The following ZMYM2 variants were observed in gnomAD, a reference collection of about 807,000 sequenced individuals.
ZMYM2 encodes zinc finger MYM-type containing 2.
ZMYM2 carries 56 observed loss-of-function variants against 162.8 expected under a neutral mutation model. The ratio of observed to expected loss-of-function variants is 0.34; its 90% confidence interval spans 0.28 to 0.43. The LOEUF (loss-of-function observed/expected upper bound fraction) is 0.43, where lower values mean the gene tolerates loss of function less well. Among genes scored for constraint, ZMYM2 ranks in the 20% least tolerant of loss-of-function variants. ZMYM2 has a pLI of 1.00. For synonymous variants in ZMYM2, 510 were observed against 541.6 expected, an observed-to-expected ratio of 0.94 and a Z score of 0.81; for missense variants, 1,275 against 1,621.8, an observed-to-expected ratio of 0.79 and a Z score of 3.67.
At chr13:19,906,512 T>C in the ZMYM2 span, among the ~76,000 whole-genome samples, 1 of 143,772 alleles carries the variant, frequency 7.0e-6, no homozygotes, top group African/African-American at 2.6e-5. Flanking sequence ...ATTTGTTTTC[T>C]ATATATCACA....
intron 21 of ZMYM2, among the ~76,000 whole-genome samples, chr13:20,079,637 C>T (rs1471887996): frequency 6.6e-6 from 1 of 152,056 alleles, no homozygotes; most frequent in Non-Finnish European, 1.5e-5. Context: ...TCCCATACTA[C>T]CACAATAAGT....
chr13:19,963,645 A>C (rs1594036836), intron 2 of ZMYM2, among the ~76,000 whole-genome samples: 2 of 152,172 alleles, frequency 1.3e-5, no homozygotes, highest in African/African-American at 4.8e-5. Flanking sequence ...TCATCACCAA[A>C]TGCTTGGCAA....
chr13:19,949,802 G>A, the ZMYM2 span, among the ~76,000 whole-genome samples: 5 of 146,266 alleles, frequency 3.4e-5, no homozygotes, highest in African/African-American at 1.3e-4. Flanking sequence ...CAGAAGACTC[G>A]CTTGAACCTG....
chr13:19,864,833 G>T, the ZMYM2 span: 25 of 151,074 alleles, frequency 1.7e-4, no homozygotes, highest in African/African-American at 5.8e-4. Context: ...CTCCACGAGG[G>T]GTCTTCTCTT....
chr13:19,903,933 T>G, the ZMYM2 span, among the ~76,000 whole-genome samples: 1 of 152,140 alleles, frequency 6.6e-6, no homozygotes, highest in Admixed American at 6.6e-5. Context: ...TTGAACTTTC[T>G]GGGCTCTAGG....
chr13:19,971,516 C>T (rs541888833), intron 2 of ZMYM2, among the ~76,000 whole-genome samples: 39 of 151,628 alleles, frequency 2.6e-4, no homozygotes, highest in African/African-American at 8.7e-4. Flanking sequence ...GTGATCCACC[C>T]GCCTCAGCCT....
chr13:19,964,324 C>T (rs1327754561), intron 2 of ZMYM2, among the ~76,000 whole-genome samples: 3 of 151,728 alleles, frequency 2.0e-5, no homozygotes, highest in Non-Finnish European at 4.4e-5. Context: ...TGCAGTTAGC[C>T]AAGATTGCAC....
At chr13:20,006,686 A>G in intron 6 of ZMYM2, 100 bp downstream of exon 6, 1 of 1,191,426 alleles carries the variant, frequency 8.4e-7, no homozygotes, top group South Asian at 1.5e-5. Context: ...GCTTTATCTT[A>G]GAATTTCATT....
In ZMYM2 at chr13:19,993,760, A is replaced by G. The variant is rs765899318; in HGVS notation, c.688A>G (p.Asn230Asp). Residue 230 changes from asparagine to aspartate, a missense_variant, in exon 3 of 25, where the codon AAC becomes GAC. This residue lies in a region of ZMYM2 where 295 missense variants were observed against 286.7 expected (regional missense o/e 1.03). Coordinates refer to ENST00000610343, the MANE Select transcript of ZMYM2 (RefSeq NM_197968.4). ...LQNTNLGDVSNGLQSSNFGVN... is the reference protein window; with the variant it reads ...LQNTNLGDVSDGLQSSNFGVN... ...GAATACCAACTTGGGAGATGTCTCT[A>G]ACGGACTGCAGTCAAGTAATTTTGG... is the stretch of plus-strand genomic sequence containing the variant. 2 of 1,614,154 alleles carry G rather than the reference A, an allele frequency of 1.2e-6. No homozygotes were observed. Among genetic ancestry groups the G allele is most frequent in the African/African-American group, 1.3e-5 (1 of 75,066 alleles).
rs1467612384 is a variant in ZMYM2, at chr13:20,088,371, G to C, written c.*2357G>C. On this transcript the variant is annotated 3_prime_UTR_variant, in exon 25 of 25. Coordinates refer to ENST00000610343, the MANE Select transcript of ZMYM2 (RefSeq NM_197968.4). ...TGATAGCAATTTCCTTTTGCTTCTA[G>C]GTGATCTCTGATTATAGATAGCATC... is the stretch of plus-strand genomic sequence containing the variant. The C allele has an allele frequency of 4.9e-6, 1 of 203,900 alleles. No homozygotes were observed. Among genetic ancestry groups the C allele is most frequent in the African/African-American group, 2.3e-5 (1 of 43,710 alleles). 12.6% of individuals were successfully genotyped at this position (203,900 alleles called of 1,614,324 possible). A position where few individuals can be genotyped will look rare whatever the true frequency, so the allele number is the denominator to read the frequency against.
intron 21 of ZMYM2, among the ~76,000 whole-genome samples, chr13:20,069,366 T>C (rs1318493092): frequency 1.3e-5 from 2 of 152,078 alleles, no homozygotes; most frequent in Admixed American, 6.5e-5. Flanking sequence ...TAGTTCCTGA[T>C]CTTAGAGGAA....
the ZMYM2 span, among the ~76,000 whole-genome samples, chr13:19,952,120 G>T: frequency 1.3e-5 from 2 of 152,032 alleles, no homozygotes; most frequent in African/African-American, 2.4e-5. Context: ...TATGTTAAAT[G>T]AAATAAGCCA....
chr13:19,938,767 C>G, the ZMYM2 span, among the ~76,000 whole-genome samples: 5 of 151,260 alleles, frequency 3.3e-5, no homozygotes, highest in Non-Finnish European at 7.4e-5. Flanking sequence ...CCTGAGTCAG[C>G]TTAATACAGG....
At chr13:20,039,421 A>ATTATTT (rs1954024246) in intron 12 of ZMYM2, among the ~76,000 whole-genome samples, 1 of 150,372 alleles carries the variant, frequency 6.7e-6, no homozygotes, top group Non-Finnish European at 1.5e-5. Flanking sequence ...TTTGTCATAG[A>ATTATTT]TGACTCTTTA....
At chr13:20,013,016 A>C (rs1349012091) in intron 6 of ZMYM2, among the ~76,000 whole-genome samples, 1 of 152,196 alleles carries the variant, frequency 6.6e-6, no homozygotes, top group East Asian at 1.9e-4. Flanking sequence ...TTTTATATAA[A>C]TTGCATTGAA....
At chr13:19,880,108 T>C in the ZMYM2 span, among the ~76,000 whole-genome samples, 1 of 152,154 alleles carries the variant, frequency 6.6e-6, no homozygotes, top group Non-Finnish European at 1.5e-5. Flanking sequence ...CTTCCTACCA[T>C]GACTGAATTA....
chr13:20,076,457 C>A (rs1957510321), intron 21 of ZMYM2, among the ~76,000 whole-genome samples: 1 of 150,450 alleles, frequency 6.6e-6, no homozygotes, highest in African/African-American at 2.5e-5. Context: ...TAACAGATTT[C>A]TTTCCCAAAA....
At chr13:20,039,805 A>C (rs917719721) in intron 12 of ZMYM2, among the ~76,000 whole-genome samples, 1 of 152,148 alleles carries the variant, frequency 6.6e-6, no homozygotes, top group Non-Finnish European at 1.5e-5. Flanking sequence ...AGGATGTTGA[A>C]TTTTATTGAA....
the ZMYM2 span, among the ~76,000 whole-genome samples, chr13:19,921,125 ATATT>A: frequency 1.3e-5 from 2 of 150,984 alleles, no homozygotes; most frequent in Admixed American, 6.6e-5. Flanking sequence ...CTTAGGTTAG[ATATT>A]TATTTATTTA....
Sources: gnomAD v4.1 joint callset for allele counts (sites outside exome capture counted in the v4.1 genomes callset) on GRCh38, gnomAD v4.1.1 for gene constraint, gnomAD v4.1.1 regional missense constraint, MANE v1.5 for transcripts, NCBI Gene and HGNC (gene_info 2026-07-23, HGNC 2026-07-21) for gene names.